TMEFF2: variants seen among roughly 807,000 people sequenced by gnomAD.
TMEFF2 encodes the protein tomoregulin-2.
A neutral mutation model predicts 53.8 loss-of-function variants in TMEFF2; 28 were observed. The observed-to-expected ratio is 0.52, with a 90% CI of 0.39 to 0.71. TMEFF2 has a LOEUF of 0.71. Ranked by LOEUF, TMEFF2 falls within the 30% of genes least tolerant of loss-of-function variation. TMEFF2 has a pLI of 0.00. For synonymous variants in TMEFF2, 162 were observed against 166.3 expected (o/e 0.97, Z 0.20); for missense variants, 353 against 455.2 (o/e 0.78, Z 2.04).
intron 5 of TMEFF2, among the ~76,000 whole-genome samples, chr2:192,055,596 G>A (rs1687883849): frequency 6.6e-6 from 1 of 151,744 alleles, no homozygotes; most frequent in Non-Finnish European, 1.5e-5. Context: ...CCAATATGAT[G>A]AAACCCCATC....
chr2:192,108,487 C>A (rs1354449850), intron 4 of TMEFF2, among the ~76,000 whole-genome samples: 1 of 151,820 alleles, frequency 6.6e-6, no homozygotes, highest in African/African-American at 2.4e-5. Context: ...TGTTTAAATT[C>A]TTTAATGTCG....
At chr2:192,086,023 A>G (rs952968240) in intron 4 of TMEFF2, among the ~76,000 whole-genome samples, 1 of 152,184 alleles carries the variant, frequency 6.6e-6, no homozygotes, top group African/African-American at 2.4e-5. Context: ...ACCAACTCCC[A>G]TCAATACTAT....
intron 2 of TMEFF2, among the ~76,000 whole-genome samples, chr2:192,190,593 G>T (rs1227612621): frequency 6.6e-6 from 1 of 152,084 alleles, no homozygotes. Context: ...TGACACTATG[G>T]TATGGTCTAA....
At chr2:192,103,869 G>T (rs1029364918) in intron 4 of TMEFF2, among the ~76,000 whole-genome samples, 1 of 151,676 alleles carries the variant, frequency 6.6e-6, no homozygotes, top group African/African-American at 2.4e-5. Flanking sequence ...AAGAAAGATA[G>T]TGCTACGAGA....
At chr2:192,111,077 G>T (rs184588782) in intron 4 of TMEFF2, among the ~76,000 whole-genome samples, 4 of 152,126 alleles carry the variant, frequency 2.6e-5, no homozygotes, top group Non-Finnish European at 5.9e-5. Context: ...TCTCAGGTAT[G>T]TCTTTAACAC....
intron 4 of TMEFF2, among the ~76,000 whole-genome samples, chr2:192,082,582 A>G (rs147541689): frequency 6.2e-4 from 94 of 152,262 alleles, no homozygotes; most frequent in Non-Finnish European, 1.2e-3. Flanking sequence ...TGTTTCTTGG[A>G]CTATGCCTGG....
rs1156793762 is a variant in TMEFF2, at chr2:192,084,762, A to G, written c.440-26987T>C. Among the ~76,000 whole-genome samples, 8 of 152,198 alleles carry G rather than the reference A, an allele frequency of 5.3e-5. No individual in the cohort carries two copies. The East Asian group carries it at 1.5e-3, about 29-fold the overall frequency. On this transcript the variant is annotated intron_variant, in intron 4 of 9. Transcript: ENST00000272771. ...TGCTTATGTATTTTATGATGACAAA[A>G]AGCATTTTAAAATGTGAGTGGGTGT... is the stretch of plus-strand genomic sequence containing the variant.
intron 5 of TMEFF2, among the ~76,000 whole-genome samples, chr2:192,013,493 C>T (rs1686678084): frequency 6.6e-6 from 1 of 151,814 alleles, no homozygotes; most frequent in African/African-American, 2.4e-5. Flanking sequence ...CTCTATCCCC[C>T]AGGCTGTAGC....
In TMEFF2 at chr2:191,972,868, A is replaced by G. The variant is rs147674153; in HGVS notation, c.746-16490T>C. 3.3e-5 allele frequency among the ~76,000 whole-genome samples: 5 copies of G among 152,300 alleles called. No individual in the cohort carries two copies. The East Asian group carries it at 7.7e-4, about 23-fold the overall frequency. On this transcript the variant is annotated intron_variant, in intron 7 of 9. Transcript: ENST00000272771. The stretch of plus-strand genomic sequence containing the variant: ...TTTTTGAGATTACATTGAAAATTCT[A>G]TGTTTATATTTGGGTATGTCTACAG...
At chr2:192,114,163 G>T (rs1689347508) in intron 4 of TMEFF2, among the ~76,000 whole-genome samples, 2 of 146,296 alleles carry the variant, frequency 1.4e-5, no homozygotes, top group Admixed American at 6.9e-5. Flanking sequence ...AAACCCAAAA[G>T]AAAATATAAA....
chr2:192,038,724 A>C (rs1038239779), intron 5 of TMEFF2, among the ~76,000 whole-genome samples: 5 of 151,996 alleles, frequency 3.3e-5, no homozygotes, highest in Non-Finnish European at 4.4e-5. Flanking sequence ...GGACTGAGCA[A>C]TCTACCTGCC....
chr2:191,964,398 C>CTCTTTCTTTCTTTCTTTCTTTCTT (rs58502767), intron 7 of TMEFF2, among the ~76,000 whole-genome samples: 18 of 51,760 alleles, frequency 3.5e-4, no homozygotes, highest in Admixed American at 9.8e-4. Flanking sequence ...TTCTTTCTTT[C>CTCTTTCTTTCTTTCTTTCTTTCTT]TCTTTCTTTC....
At chr2:192,137,756 T>C (rs998181561) in intron 4 of TMEFF2, among the ~76,000 whole-genome samples, 2 of 148,488 alleles carry the variant, frequency 1.3e-5, no homozygotes, top group African/African-American at 4.9e-5. Flanking sequence ...TATCTACTTA[T>C]ATATATAATA....
chr2:192,188,305 C>T (rs1377748145), intron 2 of TMEFF2, among the ~76,000 whole-genome samples: 1 of 152,184 alleles, frequency 6.6e-6, no homozygotes, highest in African/African-American at 2.4e-5. Context: ...TTCTTTCTCT[C>T]TGGATGCTTG....
chr2:191,964,496 T>G (rs1431161072), intron 7 of TMEFF2, among the ~76,000 whole-genome samples: 1 of 150,688 alleles, frequency 6.6e-6, no homozygotes, highest in East Asian at 2.0e-4. Context: ...AACCCCTCCA[T>G]CATCCTCAAG....
rs1425824697 is a variant in TMEFF2 at position 192,110,786 on chromosome 2, T to C, written c.440-53011A>G. Among the ~76,000 whole-genome samples the C allele has an allele frequency of 2.6e-5, 4 of 152,190 alleles. No homozygotes were observed. The East Asian group carries it at 5.8e-4, about 22-fold the overall frequency. On this transcript the variant is annotated intron_variant, in intron 4 of 9. Coordinates refer to ENST00000272771, the MANE Select transcript of TMEFF2 (RefSeq NM_016192.4). ...TGGCTGTGTCCCCACCCAAATCTCA[T>C]CTTGAATTGTAGTTTCCATAATTCC...
At chr2:192,074,357 T>G (rs1348753565) in intron 4 of TMEFF2, among the ~76,000 whole-genome samples, 2 of 151,970 alleles carry the variant, frequency 1.3e-5, no homozygotes, top group Non-Finnish European at 2.9e-5. Context: ...GAGTTTGGTC[T>G]CTAAATTTCT....
chr2:192,134,775 C>T (rs547807718), intron 4 of TMEFF2, among the ~76,000 whole-genome samples: 197 of 152,318 alleles, frequency 1.3e-3, no homozygotes, highest in African/African-American at 4.5e-3. Context: ...CATTTCTTCC[C>T]TTCTGTCAGA....
At chr2:191,956,843 T>G (rs1692115963) in intron 7 of TMEFF2, among the ~76,000 whole-genome samples, 1 of 152,228 alleles carries the variant, frequency 6.6e-6, no homozygotes, top group Admixed American at 6.5e-5. Flanking sequence ...ACACACATTT[T>G]CCAAACCGAA....
Sources: gnomAD v4.1 joint callset for allele counts (sites outside exome capture counted in the v4.1 genomes callset) on GRCh38, gnomAD v4.1.1 for gene constraint, MANE v1.5 for transcripts, NCBI Gene and HGNC (gene_info 2026-07-23, HGNC 2026-07-21) for gene names.